PCDH9: variants seen among roughly 807,000 people sequenced by gnomAD.
The protein encoded by PCDH9 is protocadherin-9.
In PCDH9, 24 loss-of-function variants were observed where a neutral mutation model predicts 70.6. The observed-to-expected ratio is 0.34, with a 90% CI of 0.25 to 0.48. PCDH9 has a LOEUF of 0.48. Among genes scored for constraint, PCDH9 ranks in the 20% least tolerant of loss-of-function variants. The pLI is 0.99. For missense variants in PCDH9, 1,281 were observed against 1,503.6 expected, an observed-to-expected ratio of 0.85 and a Z score of 2.45; for synonymous variants, 562 against 558.5, an observed-to-expected ratio of 1.01 and a Z score of -0.09.
At chr13:66,601,079 A>T (rs1033235587) in intron 4 of PCDH9, among the ~76,000 whole-genome samples, 3 of 145,102 alleles carry the variant, frequency 2.1e-5, no homozygotes. Flanking sequence ...ACATCAATTT[A>T]TATTTGAAAT....
At chr13:66,712,100 GA>G (rs1250554393) in intron 3 of PCDH9, among the ~76,000 whole-genome samples, 1 of 152,144 alleles carries the variant, frequency 6.6e-6, no homozygotes, top group Non-Finnish European at 1.5e-5. Context: ...ATAGCTATTA[GA>G]AAAATTAGAT....
chr13:66,710,239 GA>G (rs1440630248), intron 3 of PCDH9, among the ~76,000 whole-genome samples: 1 of 151,902 alleles, frequency 6.6e-6, no homozygotes, highest in Non-Finnish European at 1.5e-5. Context: ...ATTTTTACTA[GA>G]ATGTTTTATG....
chr13:66,346,352 G>A (rs900123076), intron 4 of PCDH9, among the ~76,000 whole-genome samples: 1 of 152,202 alleles, frequency 6.6e-6, no homozygotes, highest in Non-Finnish European at 1.5e-5. Context: ...TTCTTGACTA[G>A]GAATTTGTGT....
chr13:67,160,499 A>T lies in PCDH9; in HGVS notation c.3036+64906T>A, dbSNP rs138883840. 3.6e-4 allele frequency among the ~76,000 whole-genome samples: 55 copies of T among 152,128 alleles called. No individual in the cohort carries two copies. The East Asian group carries it at 9.1e-3, about 25-fold the overall frequency. ...GAGGCGGAGGTTGCAGTGAGCTGAG[A>T]TCGCGCCACTGCACTCCAGCCTGGG... is the stretch of plus-strand genomic sequence containing the variant. On this transcript the variant is annotated intron_variant, in intron 2 of 4. Coordinates refer to ENST00000377865, the MANE Select transcript of PCDH9 (RefSeq NM_203487.3).
chr13:66,512,062 C>A (rs1222681509), intron 4 of PCDH9, among the ~76,000 whole-genome samples: 1 of 151,990 alleles, frequency 6.6e-6, no homozygotes, highest in African/African-American at 2.4e-5. Context: ...TGAAGCTTAA[C>A]TTTTGGGAAT....
At chr13:66,898,971 C>T (rs558791204) in intron 3 of PCDH9, among the ~76,000 whole-genome samples, 1 of 152,060 alleles carries the variant, frequency 6.6e-6, no homozygotes, top group African/African-American at 2.4e-5. Context: ...ACCTTGAAGA[C>T]AGTTGTCTTG....
At chr13:67,140,123 A>G (rs9564372) in intron 2 of PCDH9, among the ~76,000 whole-genome samples, 35,268 of 147,862 alleles carry the variant, frequency 0.24, 4,852 homozygotes, top group East Asian at 0.68. Context: ...TGCTAGCATC[A>G]GCGGCTACTT....
At chr13:67,047,223 C>T (rs1393561190) in intron 2 of PCDH9, among the ~76,000 whole-genome samples, 1 of 152,142 alleles carries the variant, frequency 6.6e-6, no homozygotes, top group East Asian at 1.9e-4. Context: ...TGCTTACAAG[C>T]TCCACTGTGA....
intron 2 of PCDH9, among the ~76,000 whole-genome samples, chr13:66,986,637 C>T (rs2083896992): frequency 6.6e-6 from 1 of 151,820 alleles, no homozygotes; most frequent in East Asian, 1.9e-4. Context: ...ATTAGCTAAA[C>T]ATCTTATTAA....
At chr13:66,799,323 G>T (rs2080292400) in intron 3 of PCDH9, among the ~76,000 whole-genome samples, 1 of 152,162 alleles carries the variant, frequency 6.6e-6, no homozygotes, top group South Asian at 2.1e-4. Flanking sequence ...TCAGCCTGTT[G>T]TGGGGAGCCT....
At chr13:66,356,261 G>A (rs1956380292) in intron 4 of PCDH9, among the ~76,000 whole-genome samples, 1 of 152,100 alleles carries the variant, frequency 6.6e-6, no homozygotes, top group African/African-American at 2.4e-5. Flanking sequence ...TGCCAATTAA[G>A]CTTTTGCAGA....
chr13:66,553,795 A>G (rs554853582), intron 4 of PCDH9, among the ~76,000 whole-genome samples: 10 of 152,296 alleles, frequency 6.6e-5, no homozygotes, highest in African/African-American at 2.4e-4. Flanking sequence ...TCCCCCTTTT[A>G]CACATTTGGA....
In PCDH9 at chr13:67,070,641, T is replaced by C. The variant is rs1279482475; in HGVS notation, c.3036+154764A>G. Among the ~76,000 whole-genome samples, 5 of 152,188 alleles carry C rather than the reference T, an allele frequency of 3.3e-5. No homozygotes were observed. In the East Asian group the frequency reaches 7.7e-4, roughly 23 times the overall value. On this transcript the variant is annotated intron_variant, in intron 2 of 4. Coordinates refer to ENST00000377865, the MANE Select transcript of PCDH9 (RefSeq NM_203487.3). The stretch of plus-strand genomic sequence containing the variant: ...ATTGCAATTCCCACTGATTAAATTA[T>C]ACAGAGGACATCTAGAATCATTAGA...
chr13:67,059,784 G>A (rs1039512356), intron 2 of PCDH9, among the ~76,000 whole-genome samples: 1 of 151,718 alleles, frequency 6.6e-6, no homozygotes, highest in African/African-American at 2.4e-5. Context: ...AATTAACTTT[G>A]AAGCTATCAG....
intron 3 of PCDH9, among the ~76,000 whole-genome samples, chr13:66,663,880 G>T (rs939298562): frequency 6.6e-6 from 1 of 152,138 alleles, no homozygotes; most frequent in Admixed American, 6.5e-5. Context: ...ACAAGGCCAG[G>T]CTCTCATCTT....
Position 66,769,118 on chromosome 13 carries a change from CT to C in PCDH9, c.3138+134385del, listed in dbSNP as rs530689085. ...CACTGACTCTGGTTAAAAATATCAT[CT>C]TTATTAAGTCTCAATCAGCCATCAA... On this transcript the variant is annotated intron_variant, in intron 3 of 4. Transcript: ENST00000377865. Among the ~76,000 whole-genome samples the C allele has an allele frequency of 3.9e-5, 6 of 152,118 alleles. No individual in the cohort carries two copies. In the South Asian group the frequency reaches 1.2e-3, roughly 32 times the overall value.
In PCDH9 at chr13:67,068,295, A is replaced by G. The variant is rs1285911867; in HGVS notation, c.3036+157110T>C. Reference sequence around the variant, plus strand: ...TTTATTAAAAGTTTATTTTATTATGAAAAGTTTTTTTATTAAAAGTTCATT... The same window carrying G: ...TTTATTAAAAGTTTATTTTATTATGGAAAGTTTTTTTATTAAAAGTTCATT... On this transcript the variant is annotated intron_variant, in intron 2 of 4. Transcript: ENST00000377865. 3.3e-5 allele frequency among the ~76,000 whole-genome samples: 5 copies of G among 151,860 alleles called. No individual in the cohort carries two copies. In the East Asian group the frequency reaches 9.6e-4, roughly 29 times the overall value.
At chr13:66,505,521 C>T (rs920492748) in intron 4 of PCDH9, among the ~76,000 whole-genome samples, 1 of 151,578 alleles carries the variant, frequency 6.6e-6, no homozygotes, top group Non-Finnish European at 1.5e-5. Flanking sequence ...GACACAGAGC[C>T]AAACCATATC....
chr13:66,873,709 T>C (rs1594187366), intron 3 of PCDH9, among the ~76,000 whole-genome samples: 1 of 149,654 alleles, frequency 6.7e-6, no homozygotes, highest in Non-Finnish European at 1.5e-5. Flanking sequence ...AGCCTTCCTC[T>C]TTTCCAGATA....
Sources: allele counts gnomAD v4.1 joint callset (sites outside exome capture counted in the v4.1 genomes callset), GRCh38; gene constraint gnomAD v4.1.1; transcripts MANE v1.5; gene names NCBI Gene and HGNC (gene_info 2026-07-23, HGNC 2026-07-21).